The following MECOM variants were observed in gnomAD, a reference collection of about 807,000 sequenced individuals.
MECOM encodes the protein MDS1 and EVI1 complex locus, also known as histone-lysine N-methyltransferase MECOM.
A neutral mutation model predicts 116.3 loss-of-function variants in MECOM; 13 were observed. The observed-to-expected ratio is 0.11, with a 90% CI of 0.07 to 0.18. MECOM has a LOEUF of 0.18. MECOM is among the 10% of genes least tolerant of loss of function. The pLI, the probability that MECOM is intolerant of heterozygous loss-of-function variation, is 1.00. For synonymous variants in MECOM, 528 were observed against 535.2 expected (o/e 0.99, Z 0.19); for missense variants, 1,299 against 1,509.0 (o/e 0.86, Z 2.31).
intron 1 of MECOM, among the ~76,000 whole-genome samples, chr3:169,569,875 C>A (rs1470845017): frequency 6.6e-6 from 1 of 152,036 alleles, no homozygotes; most frequent in African/African-American, 2.4e-5. Flanking sequence ...GCGCTAAATG[C>A]CCACAGGAGA....
intron 5 of MECOM, among the ~76,000 whole-genome samples, chr3:169,123,303 ATG>A (rs34615103): frequency 0.074 from 10,849 of 147,424 alleles, 501 homozygotes; most frequent in South Asian, 0.21. Context: ...ATATGCATGG[ATG>A]TGTGTGTGTG....
intron 2 of MECOM, among the ~76,000 whole-genome samples, chr3:169,302,009 A>G (rs1716802556): frequency 6.6e-6 from 1 of 152,202 alleles, no homozygotes; most frequent in Non-Finnish European, 1.5e-5. Context: ...AGGGGTTTTT[A>G]GTGAATATAT....
intron 2 of MECOM, among the ~76,000 whole-genome samples, chr3:169,286,029 G>T (rs1046226104): frequency 4.6e-5 from 7 of 152,132 alleles, no homozygotes; most frequent in Non-Finnish European, 8.8e-5. Flanking sequence ...ACATGCATTC[G>T]CTGTGAAAAT....
intron 2 of MECOM, among the ~76,000 whole-genome samples, chr3:169,193,027 A>C (rs1323637286): frequency 6.6e-6 from 1 of 152,018 alleles, no homozygotes; most frequent in African/African-American, 2.4e-5. Context: ...GGTAATATCG[A>C]AATGACACAT....
At chr3:169,371,423 G>A (rs1415731238) in intron 2 of MECOM, among the ~76,000 whole-genome samples, 4 of 151,616 alleles carry the variant, frequency 2.6e-5, no homozygotes, top group African/African-American at 4.8e-5. Context: ...ATAAATTCTG[G>A]AGACCTAATA....
In MECOM at chr3:169,536,960, G is replaced by A. The variant is rs374634011; in HGVS notation, c.37+126376C>T. Among the ~76,000 whole-genome samples, 45 of 152,266 alleles carry A rather than the reference G, an allele frequency of 3.0e-4. No individual in the cohort carries two copies. In the East Asian group the frequency reaches 5.2e-3, roughly 18 times the overall value. On this transcript the variant is annotated intron_variant, in intron 1 of 16. Coordinates refer to ENST00000651503, the MANE Select transcript of MECOM (RefSeq NM_004991.4). ...ATAGATGGGGAAACTGCAGCTCTGA[G>A]AAGTTGTTGCTAGCACCCAAGGCCC... is the stretch of plus-strand genomic sequence containing the variant.
chr3:169,167,257 A>G (rs745406188), intron 2 of MECOM, among the ~76,000 whole-genome samples: 7 of 152,184 alleles, frequency 4.6e-5, no homozygotes, highest in Non-Finnish European at 1.0e-4. Context: ...CTCATTTAGA[A>G]GTTCCATTAG....
intron 2 of MECOM, among the ~76,000 whole-genome samples, chr3:169,151,526 G>A (rs954850031): frequency 2.0e-5 from 3 of 152,132 alleles, no homozygotes; most frequent in African/African-American, 4.8e-5. Flanking sequence ...TTTCAAGAAC[G>A]TACATGTGCA....
chr3:169,496,109 T>C (rs2108947242), intron 1 of MECOM, among the ~76,000 whole-genome samples: 1 of 152,282 alleles, frequency 6.6e-6, no homozygotes, highest in East Asian at 1.9e-4. Context: ...AAAAGCCCTG[T>C]TGTTATGGGG....
At chr3:169,321,152 A>G (rs1720783356) in intron 2 of MECOM, among the ~76,000 whole-genome samples, 1 of 152,254 alleles carries the variant, frequency 6.6e-6, no homozygotes, top group East Asian at 1.9e-4. Context: ...TGTACAGTCT[A>G]TGCTCAAGAA....
At chr3:169,163,804 G>A (rs1057480841) in intron 2 of MECOM, among the ~76,000 whole-genome samples, 1 of 152,062 alleles carries the variant, frequency 6.6e-6, no homozygotes. Flanking sequence ...AGGTCACTCC[G>A]AGCCAACCAC....
At chr3:169,329,674 A>G (rs1248042572) in intron 2 of MECOM, among the ~76,000 whole-genome samples, 1 of 152,224 alleles carries the variant, frequency 6.6e-6, no homozygotes, top group Non-Finnish European at 1.5e-5. Flanking sequence ...ATTTCCTTAT[A>G]TAAATGGGTG....
rs147277092 is a variant in MECOM at position 169,275,448 on chromosome 3, C to G, written c.375+105739G>C. ...CATTGGGTCTGTTTTTGGAAGGTCT[C>G]CTGCCTAGGGCGTTTAAAGTATGCT... is the stretch of plus-strand genomic sequence containing the variant. On this transcript the variant is annotated intron_variant, in intron 2 of 16. Transcript: ENST00000651503. Among the ~76,000 whole-genome samples the G allele has an allele frequency of 7.2e-4, 110 of 152,208 alleles. 2 individuals carry two copies. The East Asian group carries it at 0.015, about 20-fold the overall frequency.
chr3:169,517,145 A>G (rs1304845067), intron 1 of MECOM, among the ~76,000 whole-genome samples: 1 of 152,222 alleles, frequency 6.6e-6, no homozygotes, highest in East Asian at 1.9e-4. Context: ...AATTACCATC[A>G]TCATTCCCCG....
At chr3:169,358,525 C>T (rs1044540551) in intron 2 of MECOM, among the ~76,000 whole-genome samples, 3 of 144,842 alleles carry the variant, frequency 2.1e-5, no homozygotes, top group African/African-American at 5.3e-5. Context: ...TTCTTTAGAG[C>T]CACAAAAAAA....
At chr3:169,285,414 T>A (rs1467990472) in intron 2 of MECOM, among the ~76,000 whole-genome samples, 1 of 152,214 alleles carries the variant, frequency 6.6e-6, no homozygotes, top group African/African-American at 2.4e-5. Context: ...AAGAATACTC[T>A]GCGCTCCCAG....
chr3:169,641,868 C>T (rs1773533659), intron 1 of MECOM, among the ~76,000 whole-genome samples: 1 of 152,088 alleles, frequency 6.6e-6, no homozygotes, highest in African/African-American at 2.4e-5. Context: ...ATTGTGGGCA[C>T]TGGCAAAGAG....
chr3:169,514,005 C>G (rs1578313101), intron 1 of MECOM, among the ~76,000 whole-genome samples: 1 of 152,202 alleles, frequency 6.6e-6, no homozygotes, highest in Non-Finnish European at 1.5e-5. Context: ...TCCAGAAATA[C>G]AGACCTAATA....
At chr3:169,608,140 G>A (rs757509259) in intron 1 of MECOM, among the ~76,000 whole-genome samples, 1 of 152,276 alleles carries the variant, frequency 6.6e-6, no homozygotes, top group Admixed American at 6.5e-5. Flanking sequence ...GGTACTTGTG[G>A]TGTAAAATTA....
Sources: gnomAD v4.1 joint callset for allele counts (sites outside exome capture counted in the v4.1 genomes callset) on GRCh38, gnomAD v4.1.1 for gene constraint, MANE v1.5 for transcripts, NCBI Gene and HGNC (gene_info 2026-07-23, HGNC 2026-07-21) for gene names.